The following FILIP1L variants were observed in gnomAD, a reference collection of about 807,000 sequenced individuals.
FILIP1L encodes the protein filamin A-interacting protein 1-like.
In FILIP1L, 55 loss-of-function variants were observed where a neutral mutation model predicts 96.6. That is an observed-to-expected ratio of 0.57 (90% CI 0.46 to 0.71). FILIP1L has a LOEUF of 0.71. Among genes scored for constraint, FILIP1L ranks in the 30% least tolerant of loss-of-function variants. The probability of loss-of-function intolerance (pLI) is 0.00; values close to 1 mark genes in which losing one functional copy is unlikely to be tolerated. For missense variants in FILIP1L, 1,304 were observed against 1,321.2 expected, an observed-to-expected ratio of 0.99 and a Z score of 0.20; for synonymous variants, 467 against 473.9, an observed-to-expected ratio of 0.99 and a Z score of 0.19.
At chr3:99,936,058 G>T (rs1042463503) in intron 1 of FILIP1L, among the ~76,000 whole-genome samples, 1 of 151,798 alleles carries the variant, frequency 6.6e-6, no homozygotes, top group Non-Finnish European at 1.5e-5. Context: ...ACATAGTTAG[G>T]TGCTACTTAG....
chr3:99,850,234 T>A lies in FILIP1L; in HGVS notation c.1442A>T (p.Lys481Met). The change falls in exon 5 of 6, where the codon AAG becomes ATG. Residue 481 changes from lysine to methionine, a missense_variant. Coordinates refer to ENST00000477258, the MANE Select transcript of FILIP1L (RefSeq NM_001387850.1). ...ATCCTCTTTTAGAGTGAATTCTGTCTTTTCTAGCCGACTTTCAATGGCTTC... is the reference window on the plus strand; with the variant it reads ...ATCCTCTTTTAGAGTGAATTCTGTCATTTCTAGCCGACTTTCAATGGCTTC... ...ELEAIESRLE[K>M]TEFTLKEDLT... The A allele has an allele frequency of 6.2e-7, 1 of 1,613,700 alleles. No individual in the cohort carries two copies. The highest frequency in any genetic ancestry group is 8.5e-7 in the Non-Finnish European group (1 of 1,180,006).
In FILIP1L at chr3:99,873,364, G is replaced by A. The variant is rs550134463; in HGVS notation, c.606-22294C>T. ...GTATTAGATTTTTCAAAGATGACAG[G>A]CTCTGTGAACAACAGATGGGGCCAT... is the stretch of plus-strand genomic sequence containing the variant. On this transcript the variant is annotated intron_variant, in intron 4 of 5. Coordinates refer to ENST00000477258, the MANE Select transcript of FILIP1L (RefSeq NM_001387850.1). Among the ~76,000 whole-genome samples, 138 of 152,288 alleles carry A rather than the reference G, an allele frequency of 9.1e-4. 1 individual carries two copies. Among genetic ancestry groups the A allele is most frequent in the South Asian group, 6.2e-3 (30 of 4,824 alleles).
chr3:100,009,239 A>G (rs1710073755), intron 1 of FILIP1L, among the ~76,000 whole-genome samples: 1 of 152,204 alleles, frequency 6.6e-6, no homozygotes, highest in Non-Finnish European at 1.5e-5. Context: ...CTACGGTATT[A>G]TCAAGAATAT....
intron 1 of FILIP1L, among the ~76,000 whole-genome samples, chr3:99,972,865 T>C (rs943519032): frequency 2.6e-5 from 4 of 152,236 alleles, no homozygotes; most frequent in Non-Finnish European, 5.9e-5. Flanking sequence ...GAACTTTTTC[T>C]TTCATGTTAG....
chr3:99,907,925 G>A lies in FILIP1L; in HGVS notation c.605+16305C>T, dbSNP rs533415443. ...TGTGTGATCCAGTGCCTGGCACATG[G>A]AAGGAACTCAGTAAGCATTTTGAAA... On this transcript the variant is annotated intron_variant, in intron 4 of 5. Coordinates refer to ENST00000477258, the MANE Select transcript of FILIP1L (RefSeq NM_001387850.1). Among the ~76,000 whole-genome samples, 16 of 152,312 alleles carry A rather than the reference G, an allele frequency of 1.1e-4. 1 individual carries two copies. The South Asian group carries it at 3.3e-3, about 32-fold the overall frequency.
At chr3:99,885,014 C>T (rs1475027266) in intron 4 of FILIP1L, among the ~76,000 whole-genome samples, 1 of 152,198 alleles carries the variant, frequency 6.6e-6, no homozygotes, top group East Asian at 1.9e-4. Context: ...CGATACTGTT[C>T]TGACAGCCTG....
At chr3:99,925,855 TGGGCTG>T (rs1707276971) in intron 3 of FILIP1L, 1 of 985,450 alleles carries the variant, frequency 1.0e-6, no homozygotes, top group African/African-American at 1.7e-5. Context: ...CCAAGCTCAC[TGGGCTG>T]GTTTATCAGC....
intron 1 of FILIP1L, among the ~76,000 whole-genome samples, chr3:100,085,601 T>C (rs1289177946): frequency 6.6e-6 from 1 of 152,208 alleles, no homozygotes; most frequent in Non-Finnish European, 1.5e-5. Flanking sequence ...AGCTCTAAGA[T>C]GCAGGCAAAT....
rs141382508 is a variant in FILIP1L at position 99,955,810 on chromosome 3, G to A, written c.-10-24780C>T. ...AGGAAATAAGATGGAATTTCGAATG[G>A]CCTGTTCTCCATTTTCACAGATTAC... On this transcript the variant is annotated intron_variant, in intron 1 of 5. Transcript: ENST00000477258. Among the ~76,000 whole-genome samples, 695 of 152,246 alleles carry A rather than the reference G, an allele frequency of 4.6e-3. 2 individuals carry two copies. Among genetic ancestry groups the A allele is most frequent in the South Asian group, 7.1e-3 (34 of 4,822 alleles).
intron 5 of FILIP1L, among the ~76,000 whole-genome samples, chr3:99,843,759 C>T (rs1943237856): frequency 6.6e-6 from 1 of 152,112 alleles, no homozygotes; most frequent in South Asian, 2.1e-4. Flanking sequence ...GGACTGGTAG[C>T]AGTCCATGGC....
intron 4 of FILIP1L, among the ~76,000 whole-genome samples, chr3:99,903,032 G>C (rs1325430797): frequency 6.6e-6 from 1 of 152,034 alleles, no homozygotes; most frequent in African/African-American, 2.4e-5. Context: ...TCAAACTTCT[G>C]GGTTTAATTC....
intron 1 of FILIP1L, among the ~76,000 whole-genome samples, chr3:100,010,611 TC>T (rs1189598117): frequency 1.4e-5 from 2 of 141,720 alleles, no homozygotes; most frequent in Non-Finnish European, 3.2e-5. Context: ...AGTTTTTCTT[TC>T]TTTTTTTTTT....
chr3:100,053,698 A>G (rs1279043176), intron 1 of FILIP1L, among the ~76,000 whole-genome samples: 1 of 152,138 alleles, frequency 6.6e-6, no homozygotes, highest in African/African-American at 2.4e-5. Flanking sequence ...CATTTCTCTG[A>G]GCATTTAGGG....
rs1381503800 is a variant in FILIP1L at position 99,849,900 on chromosome 3, A to C, written c.1776T>G (p.Leu592=). Reference sequence around the variant, plus strand: ...CTTTCTCAATTGCTTCCAATGATTGAAGCCTATTTTTCAACATATTAACTC... The same window carrying C: ...CTTTCTCAATTGCTTCCAATGATTGCAGCCTATTTTTCAACATATTAACTC... ...LSRVNMLKNR[L]QSLEAIEKDF... Residue 592 remains leucine (L), a synonymous_variant, in exon 5 of 6, where the codon CTT becomes CTG. Coordinates refer to ENST00000477258, the MANE Select transcript of FILIP1L (RefSeq NM_001387850.1). The C allele has an allele frequency of 1.9e-6, 3 of 1,611,892 alleles. No individual in the cohort carries two copies. The African/African-American group carries it at 4.0e-5, about 22-fold the overall frequency.
At chr3:100,014,807 ATTT>A (rs201338660) in intron 1 of FILIP1L, among the ~76,000 whole-genome samples, 3 of 64,540 alleles carry the variant, frequency 4.6e-5, no homozygotes, top group Admixed American at 1.4e-4. Flanking sequence ...CATTCTATTG[ATTT>A]TTTTTTTTTT....
At chr3:100,109,817 A>G (rs2066457154) in intron 1 of FILIP1L, among the ~76,000 whole-genome samples, 4 of 152,018 alleles carry the variant, frequency 2.6e-5, no homozygotes. Context: ...GTTAGCTGCT[A>G]AAGTAGATTA....
intron 5 of FILIP1L, among the ~76,000 whole-genome samples, chr3:99,832,614 G>A (rs1279075508): frequency 4.8e-5 from 7 of 146,060 alleles, no homozygotes; most frequent in African/African-American, 1.5e-4. Flanking sequence ...AGGCTGAGGC[G>A]GGCGGATCAC....
At chr3:100,084,796 A>G (rs1009243572) in intron 1 of FILIP1L, among the ~76,000 whole-genome samples, 2 of 152,238 alleles carry the variant, frequency 1.3e-5, no homozygotes, top group African/African-American at 2.4e-5. Context: ...TCATATTATC[A>G]TCTCAGAGCT....
chr3:99,938,970 G>A (rs528180829), intron 1 of FILIP1L, among the ~76,000 whole-genome samples: 22 of 152,208 alleles, frequency 1.4e-4, no homozygotes, highest in South Asian at 2.1e-4. Flanking sequence ...ATTGGCCTCC[G>A]TTATCTTTTT....
Sources: allele counts gnomAD v4.1 joint callset (sites outside exome capture counted in the v4.1 genomes callset), GRCh38; gene constraint gnomAD v4.1.1; transcripts MANE v1.5; gene names NCBI Gene and HGNC (gene_info 2026-07-23, HGNC 2026-07-21).